The following DCHS2 variants were observed in gnomAD, a reference collection of about 807,000 sequenced individuals.
The protein encoded by DCHS2 is protocadherin-23.
Under a neutral mutation model 182.4 loss-of-function variants are expected in DCHS2, and 142 were observed. That is an observed-to-expected ratio of 0.78 (90% CI 0.68 to 0.89). DCHS2 has a LOEUF of 0.89. DCHS2 is among the 40% of genes least tolerant of loss of function. The pLI, the probability that DCHS2 is intolerant of heterozygous loss-of-function variation, is 0.00. For synonymous variants in DCHS2, 1,740 were observed against 1,663.3 expected, an observed-to-expected ratio of 1.05 and a Z score of -1.12; for missense variants, 4,319 against 4,198.6, an observed-to-expected ratio of 1.03 and a Z score of -0.79.
chr4:154,242,774 T>C lies in DCHS2; in HGVS notation c.6942-2A>G. 1 of 1,598,056 alleles carries C rather than the reference T, an allele frequency of 6.3e-7. No individual in the cohort carries two copies. Among genetic ancestry groups the C allele is most frequent in the Non-Finnish European group, 8.5e-7 (1 of 1,175,242 alleles). On this transcript the variant is annotated splice_acceptor_variant, in intron 16 of 19. Coordinates refer to ENST00000357232, the MANE Select transcript of DCHS2 (RefSeq NM_001358235.2). LOFTEE classifies it high-confidence loss of function. ...TTATCTGTGGCTTGGACAATCAAGC[T>C]GGTTTGGAAAAAGAATCAAAGAATG... is the stretch of plus-strand genomic sequence containing the variant.
chr4:154,303,591 G>T (rs1735309741), intron 12 of DCHS2, among the ~76,000 whole-genome samples: 1 of 151,714 alleles, frequency 6.6e-6, no homozygotes, highest in Non-Finnish European at 1.5e-5. Context: ...TGTCATTTTG[G>T]ACACACTGAT....
At chr4:154,472,056 C>A (rs922374735) in intron 1 of DCHS2, among the ~76,000 whole-genome samples, 1 of 151,818 alleles carries the variant, frequency 6.6e-6, no homozygotes, top group Non-Finnish European at 1.5e-5. Context: ...CAGCTCTGGG[C>A]AAAAAAAGGT....
chr4:154,280,153 T>G (rs190911865), intron 13 of DCHS2, among the ~76,000 whole-genome samples: 224 of 152,082 alleles, frequency 1.5e-3, no homozygotes, highest in African/African-American at 5.1e-3. Context: ...TCTGGAAATA[T>G]ATAACCTACC....
rs1296498779 is a variant in DCHS2 at position 154,489,320 on chromosome 4, C to A, written c.2036G>T (p.Gly679Val). The A allele has an allele frequency of 6.6e-7, 1 of 1,524,504 alleles. No homozygotes were observed. Among genetic ancestry groups the A allele is most frequent in the African/African-American group, 1.4e-5 (1 of 72,676 alleles). The allele number at this position is 1,524,504 out of a possible 1,614,324, so 94.4% of individuals were successfully genotyped here. A position where few individuals can be genotyped will look rare whatever the true frequency, so the allele number is the denominator to read the frequency against. Reference protein sequence around the residue: ...NATIAEHAPVGHCFLQVTASD... With the variant: ...NATIAEHAPVVHCFLQVTASD... ...TGCACTCACCTGCAGAAAGCAGTGT[C>A]CAACCGGGGCATGCTCTGCAATGGT... Residue 679 changes from glycine to valine, a missense_variant, in exon 1 of 20, where the codon GGA becomes GTA. Physicochemically the swap from Gly to Val is moderately radical, Grantham distance 109 (BLOSUM62 -3). Transcript: ENST00000357232.
chr4:154,278,759 C>T (rs1733986969), intron 13 of DCHS2, among the ~76,000 whole-genome samples: 1 of 151,954 alleles, frequency 6.6e-6, no homozygotes, highest in African/African-American at 2.4e-5. Context: ...AAGAAAACTG[C>T]CAACCAAGAA....
At chr4:154,459,255 T>A (rs1031801550) in intron 1 of DCHS2, among the ~76,000 whole-genome samples, 7 of 152,078 alleles carry the variant, frequency 4.6e-5, no homozygotes, top group African/African-American at 1.7e-4. Flanking sequence ...GTAGAGTGTA[T>A]TTGAGAATCT....
intron 3 of DCHS2, among the ~76,000 whole-genome samples, chr4:154,365,263 C>T (rs191951694): frequency 7.7e-4 from 117 of 152,254 alleles, no homozygotes; most frequent in Middle Eastern, 3.4e-3. Context: ...CTACTTTGGA[C>T]GCCTGTAAAA....
Position 154,332,468 on chromosome 4 carries a change from G to T in DCHS2, c.3730+10C>A. The T allele has an allele frequency of 6.3e-7, 1 of 1,594,626 alleles. No homozygotes were observed. The highest frequency in any genetic ancestry group is 1.7e-5 in the Admixed American group (1 of 58,450). ...TTTTAAAGGAATAGGTGGAAACTAT[G>T]AAGTGCTACCTGTATTAGGATTCAT... On this transcript the variant is annotated intron_variant, in intron 5 of 19. Coordinates refer to ENST00000357232, the MANE Select transcript of DCHS2 (RefSeq NM_001358235.2).
intron 1 of DCHS2, among the ~76,000 whole-genome samples, chr4:154,478,460 A>G (rs952455761): frequency 1.3e-5 from 2 of 152,240 alleles, no homozygotes; most frequent in East Asian, 3.8e-4. Context: ...GAATGGACCT[A>G]TATGGAGTGA....
chr4:154,257,811 A>G (rs553750205), intron 15 of DCHS2, among the ~76,000 whole-genome samples: 71 of 152,362 alleles, frequency 4.7e-4, no homozygotes, highest in Non-Finnish European at 8.4e-4. Context: ...TGGAAAGAAC[A>G]AAGTTCATTC....
chr4:154,376,454 T>A (rs201680055), intron 2 of DCHS2, among the ~76,000 whole-genome samples: 5 of 151,600 alleles, frequency 3.3e-5, no homozygotes, highest in African/African-American at 9.7e-5. Flanking sequence ...AAGTTACTAT[T>A]AAAAAAAACT....
intron 1 of DCHS2, among the ~76,000 whole-genome samples, chr4:154,390,439 C>T (rs1731645901): frequency 6.6e-6 from 1 of 151,874 alleles, no homozygotes; most frequent in Non-Finnish European, 1.5e-5. Flanking sequence ...ATACTGGTAG[C>T]AACTGTAAGT....
At chr4:154,341,096 C>T (rs1377622645) in intron 3 of DCHS2, among the ~76,000 whole-genome samples, 2 of 152,062 alleles carry the variant, frequency 1.3e-5, no homozygotes, top group African/African-American at 2.4e-5. Flanking sequence ...CGCCCGGGCG[C>T]GGTGGCTCAC....
intron 13 of DCHS2, among the ~76,000 whole-genome samples, chr4:154,292,056 C>T (rs1031440341): frequency 2.0e-5 from 3 of 152,090 alleles, no homozygotes; most frequent in African/African-American, 7.2e-5. Context: ...AAATATTTCA[C>T]ATAACCCATA....
At chr4:154,365,815 AT>A (rs573608217) in intron 3 of DCHS2, among the ~76,000 whole-genome samples, 2,122 of 143,188 alleles carry the variant, frequency 0.015, 14 homozygotes, top group Middle Eastern at 0.022. Flanking sequence ...CGTCCGGCTA[AT>A]TTTTTTTTTT....
At chr4:154,375,574 A>G (rs1256413808) in intron 2 of DCHS2, among the ~76,000 whole-genome samples, 1 of 151,986 alleles carries the variant, frequency 6.6e-6, no homozygotes, top group Admixed American at 6.6e-5. Flanking sequence ...AATAAACATG[A>G]AAAAAAACCT....
intron 1 of DCHS2, chr4:154,486,484 G>A (rs1232638068): frequency 2.3e-6 from 3 of 1,304,450 alleles, no homozygotes; most frequent in African/African-American, 1.5e-5. Flanking sequence ...TTTTGTTTTT[G>A]TTTGATTTTG....
intron 1 of DCHS2, among the ~76,000 whole-genome samples, chr4:154,463,553 T>G (rs950793026): frequency 6.6e-6 from 1 of 152,172 alleles, no homozygotes; most frequent in African/African-American, 2.4e-5. Context: ...ATTGATTTCT[T>G]GAAGGAGAAT....
At chr4:154,385,178 G>T (rs903332104) in intron 1 of DCHS2, among the ~76,000 whole-genome samples, 11 of 149,516 alleles carry the variant, frequency 7.4e-5, no homozygotes, top group Admixed American at 5.4e-4. Flanking sequence ...GCGGCGTTTG[G>T]TTTTTTGTCC....
Sources: allele counts gnomAD v4.1 joint callset (sites outside exome capture counted in the v4.1 genomes callset), GRCh38; gene constraint gnomAD v4.1.1; transcripts MANE v1.5; gene names NCBI Gene and HGNC (gene_info 2026-07-23, HGNC 2026-07-21).